STX18: variants seen among roughly 807,000 people sequenced by gnomAD.
STX18 encodes the protein syntaxin 18, also known as syntaxin-18.
Under a neutral mutation model 50.1 loss-of-function variants are expected in STX18, and 40 were observed. The observed-to-expected ratio is 0.80, with a 90% CI of 0.62 to 1.04. STX18 has a LOEUF of 1.04. Among genes scored for constraint, STX18 ranks in the 50% least tolerant of loss-of-function variants. The pLI is 0.00. For missense variants in STX18, 410 were observed against 415.8 expected, an observed-to-expected ratio of 0.99 and a Z score of 0.12; for synonymous variants, 158 against 151.8, an observed-to-expected ratio of 1.04 and a Z score of -0.30.
At chr4:4,486,389 A>G (rs1728700256) in intron 1 of STX18, among the ~76,000 whole-genome samples, 1 of 152,236 alleles carries the variant, frequency 6.6e-6, no homozygotes, top group African/African-American at 2.4e-5. Context: ...GGTAAAATAG[A>G]CAAGAAAAGA....
intron 1 of STX18, among the ~76,000 whole-genome samples, chr4:4,481,156 A>G (rs750646443): frequency 5.3e-5 from 8 of 152,226 alleles, no homozygotes; most frequent in African/African-American, 9.6e-5. Flanking sequence ...AAACCCTGGT[A>G]CAAAATGATG....
chr4:4,436,199 T>C (rs574178227), intron 6 of STX18, among the ~76,000 whole-genome samples: 10 of 152,300 alleles, frequency 6.6e-5, no homozygotes, highest in African/African-American at 2.4e-4. Context: ...TGGTTATTTA[T>C]TAGAAATATA....
At chr4:4,491,227 G>T (rs140485126) in intron 1 of STX18, among the ~76,000 whole-genome samples, 5 of 151,872 alleles carry the variant, frequency 3.3e-5, no homozygotes, top group African/African-American at 9.7e-5. Context: ...CTACGAGCAC[G>T]TCTAGCCTCA....
At chr4:4,451,640 T>A (rs1461834799) in intron 5 of STX18, among the ~76,000 whole-genome samples, 1 of 152,238 alleles carries the variant, frequency 6.6e-6, no homozygotes, top group African/African-American at 2.4e-5. Context: ...TAATCTCTGA[T>A]GTGACTTTTG....
chr4:4,483,021 A>G (rs2108852023), intron 1 of STX18, among the ~76,000 whole-genome samples: 1 of 152,332 alleles, frequency 6.6e-6, no homozygotes, highest in South Asian at 2.1e-4. Context: ...GAAGGAGAGA[A>G]AACATGTGCA....
chr4:4,450,803 T>C (rs1726706634), intron 5 of STX18, among the ~76,000 whole-genome samples: 2 of 152,190 alleles, frequency 1.3e-5, no homozygotes, highest in Non-Finnish European at 2.9e-5. Flanking sequence ...CCTGCCTCAC[T>C]GCATGGCTTC....
intron 1 of STX18, among the ~76,000 whole-genome samples, chr4:4,472,751 C>T (rs1727985150): frequency 1.3e-5 from 2 of 152,166 alleles, no homozygotes; most frequent in Admixed American, 6.5e-5. Flanking sequence ...GTAAGCACAA[C>T]AAGAAGCACA....
At chr4:4,446,748 C>T (rs1726427282) in intron 5 of STX18, among the ~76,000 whole-genome samples, 1 of 131,724 alleles carries the variant, frequency 7.6e-6, no homozygotes, top group Non-Finnish European at 1.6e-5. Context: ...CAGTTTCTTA[C>T]TAAGTCTAAG....
intron 1 of STX18, among the ~76,000 whole-genome samples, chr4:4,492,004 T>G (rs1180335850): frequency 1.3e-5 from 2 of 152,184 alleles, no homozygotes. Flanking sequence ...TTAGATATTT[T>G]AGAGTACAAT....
chr4:4,541,763 C>A, intron 1 of STX18, 34 bp downstream of exon 1: 3 of 1,585,444 alleles, frequency 1.9e-6, no homozygotes, highest in Non-Finnish European at 2.6e-6. Flanking sequence ...ACTGCCCCCT[C>A]CTCAACCCGC....
At chr4:4,508,919 T>G (rs1238223417) in intron 1 of STX18, among the ~76,000 whole-genome samples, 1 of 152,250 alleles carries the variant, frequency 6.6e-6, no homozygotes, top group East Asian at 1.9e-4. Flanking sequence ...CTGCATAGTA[T>G]TTCATGGTGT....
Position 4,500,335 on chromosome 4 carries a change from AT to A in STX18, c.169-28630del, listed in dbSNP as rs1239169776. 3.3e-5 allele frequency among the ~76,000 whole-genome samples: 5 copies of A among 152,294 alleles called. No individual in the cohort carries two copies. In the East Asian group the frequency reaches 9.6e-4, roughly 29 times the overall value. On this transcript the variant is annotated intron_variant, in intron 1 of 10. Transcript: ENST00000306200. ...ATTCAACCAACCATGGACGGAAAAT[AT>A]TTTTTTAAAAAGGATGCTGCACCTG... is the stretch of plus-strand genomic sequence containing the variant.
intron 1 of STX18, among the ~76,000 whole-genome samples, chr4:4,537,371 C>G (rs2108932678): frequency 6.6e-6 from 1 of 152,328 alleles, no homozygotes; most frequent in East Asian, 1.9e-4. Context: ...TATTCCCAGA[C>G]AGGGCACTGC....
chr4:4,509,507 A>G (rs575002865), intron 1 of STX18, among the ~76,000 whole-genome samples: 2 of 152,294 alleles, frequency 1.3e-5, no homozygotes, highest in South Asian at 4.1e-4. Context: ...TTCTTGTGAC[A>G]AAAAGGCTGT....
chr4:4,507,485 T>C (rs1729769942), intron 1 of STX18: 1 of 764,330 alleles, frequency 1.3e-6, no homozygotes, highest in Non-Finnish European at 2.4e-6. Flanking sequence ...ATTATCTTTA[T>C]CGCTCAGAGG....
intron 1 of STX18, among the ~76,000 whole-genome samples, chr4:4,473,072 CT>C (rs1044610781): frequency 1.3e-5 from 2 of 152,202 alleles, no homozygotes; most frequent in African/African-American, 4.8e-5. Flanking sequence ...GCCTATTTCT[CT>C]TCCCAACAAC....
chr4:4,437,183 G>A (rs904025180), intron 6 of STX18, among the ~76,000 whole-genome samples: 1 of 152,020 alleles, frequency 6.6e-6, no homozygotes, highest in African/African-American at 2.4e-5. Flanking sequence ...TTGATGTCCT[G>A]ACCTCAGGTG....
At chr4:4,454,578 C>T (rs1228769048) in intron 5 of STX18, among the ~76,000 whole-genome samples, 1 of 152,172 alleles carries the variant, frequency 6.6e-6, no homozygotes, top group Non-Finnish European at 1.5e-5. Context: ...CCTCCTTCTC[C>T]GTAATGTCTT....
intron 1 of STX18, among the ~76,000 whole-genome samples, chr4:4,481,245 A>G (rs1298209348): frequency 2.0e-5 from 3 of 152,240 alleles, no homozygotes; most frequent in Non-Finnish European, 4.4e-5. Flanking sequence ...TGCTGATCAC[A>G]GCAGTGGTTT....
Sources: allele counts gnomAD v4.1 joint callset (sites outside exome capture counted in the v4.1 genomes callset), GRCh38; gene constraint gnomAD v4.1.1; transcripts MANE v1.5; gene names NCBI Gene and HGNC (gene_info 2026-07-23, HGNC 2026-07-21).